The following MRPL12 variants were observed in gnomAD, a reference collection of about 807,000 sequenced individuals.
The protein encoded by MRPL12 is mitochondrial ribosomal protein L12.
Under a neutral mutation model 21.1 loss-of-function variants are expected in MRPL12, and 13 were observed. The observed-to-expected ratio is 0.62, with a 90% CI of 0.40 to 0.98. The LOEUF is 0.98. Among genes scored for constraint, MRPL12 ranks in the 50% least tolerant of loss-of-function variants. The pLI is 0.00. For synonymous variants in MRPL12, 126 were observed against 115.3 expected (o/e 1.09, Z -0.60); for missense variants, 251 against 268.6 (o/e 0.93, Z 0.46).
At chr17:81,704,039 T>C (rs1320800050) in intron 1 of MRPL12, among the ~76,000 whole-genome samples, 3 of 152,178 alleles carry the variant, frequency 2.0e-5, no homozygotes, top group Non-Finnish European at 4.4e-5. Flanking sequence ...GAATTTAAAG[T>C]AACTTGCAAA....
At chr17:81,706,076 C>T (rs1236165191) in intron 3 of MRPL12, among the ~76,000 whole-genome samples, 3 of 152,224 alleles carry the variant, frequency 2.0e-5, no homozygotes, top group African/African-American at 4.8e-5. Context: ...AGAAGCGCAG[C>T]GTGCCCGTCA....
rs2037280414 is a variant in MRPL12, at chr17:81,703,702, G to A, written c.74+127G>A. On this transcript the variant is annotated intron_variant, in intron 1 of 4. Transcript: ENST00000333676. ...CTGCAGCGGCCAGGCCGGGCTTGGG[G>A]GTCCCATCGGGGGCGCGGGGAGGAG... is the stretch of plus-strand genomic sequence containing the variant. The A allele has an allele frequency of 1.8e-5, 16 of 909,876 alleles. No individual in the cohort carries two copies. The South Asian group carries it at 4.5e-4, about 26-fold the overall frequency. The allele number at this position is 909,876 out of a possible 1,614,324, so 56.4% of individuals were successfully genotyped here. A position where few individuals can be genotyped will look rare whatever the true frequency, so the allele number is the denominator to read the frequency against.
chr17:81,703,409 C>A lies in MRPL12; in HGVS notation c.-93C>A. 9.2e-7 allele frequency: 1 copy of A among 1,088,962 alleles called. No homozygotes were observed. The highest frequency in any genetic ancestry group is 1.3e-6 in the Non-Finnish European group (1 of 794,904). 67.5% of individuals were successfully genotyped at this position (1,088,962 alleles called of 1,614,324 possible). On this transcript the variant is annotated 5_prime_UTR_variant, in exon 1 of 5. Coordinates refer to ENST00000333676, the MANE Select transcript of MRPL12 (RefSeq NM_002949.4). ...TGCCCGGCAGCCGTGGCGGCTAGAG[C>A]GTTCCTCCCCAGCTCGAATGCCCGG...
intron 2 of MRPL12, 49 bp downstream of exon 2, chr17:81,704,479 CCT>C: frequency 3.1e-6 from 5 of 1,591,018 alleles, no homozygotes; most frequent in Non-Finnish European, 4.3e-6. Context: ...TTTCAGGGCC[CCT>C]GTGTTTTGTT....
intron 3 of MRPL12, among the ~76,000 whole-genome samples, chr17:81,706,220 A>G (rs1270131837): frequency 1.3e-5 from 2 of 152,098 alleles, no homozygotes; most frequent in African/African-American, 4.8e-5. Flanking sequence ...TTTCTAAGCG[A>G]GAGGGGAGTA....
Position 81,706,948 on chromosome 17 carries a change from T to G in MRPL12, c.388T>G (p.Phe130Val), listed in dbSNP as rs1416206604. Residue 130 changes from phenylalanine to valine, a missense_variant, in exon 4 of 5, where the codon TTC (phenylalanine) becomes GTC (valine). Phe to Val is a conservative substitution (Grantham distance 50, BLOSUM62 -1). Coordinates refer to ENST00000333676, the MANE Select transcript of MRPL12 (RefSeq NM_002949.4). Reference sequence around the variant, plus strand: ...CCCCATAGCGAAAGAACGGACACATTTCACCGTCCGCCTGACCGAGGCGAA... The same window carrying G: ...CCCCATAGCGAAAGAACGGACACATGTCACCGTCCGCCTGACCGAGGCGAA... ...DIPIAKERTHFTVRLTEAKPV... is the reference protein window; with the variant it reads ...DIPIAKERTHVTVRLTEAKPV... 6.2e-7 allele frequency: 1 copy of G among 1,614,048 alleles called. No individual in the cohort carries two copies. Among genetic ancestry groups the G allele is most frequent in the African/African-American group, 1.3e-5 (1 of 75,038 alleles).
rs530585327 is a variant in MRPL12, at chr17:81,706,009, C to T, written c.346-897C>T. 7.2e-5 allele frequency among the ~76,000 whole-genome samples: 11 copies of T among 152,374 alleles called. No individual in the cohort carries two copies. In the South Asian group the frequency reaches 1.7e-3, roughly 23 times the overall value. ...GATGTTATTAATAGCCTTCCCAGGC[C>T]GTGGGGACACGCAGCCCCCTGCCCT... On this transcript the variant is annotated intron_variant, in intron 3 of 4. Coordinates refer to ENST00000333676, the MANE Select transcript of MRPL12 (RefSeq NM_002949.4).
chr17:81,703,533 G>A lies in MRPL12; in HGVS notation c.32G>A (p.Gly11Glu), dbSNP rs1239468867. 6.8e-7 allele frequency: 1 copy of A among 1,479,512 alleles called. No homozygotes were observed. Among genetic ancestry groups the A allele is most frequent in the Non-Finnish European group, 8.9e-7 (1 of 1,121,586 alleles). The allele number at this position is 1,479,512 out of a possible 1,614,324, so 91.6% of individuals were successfully genotyped here. A position where few individuals can be genotyped will look rare whatever the true frequency, so the allele number is the denominator to read the frequency against. The change falls in exon 1 of 5, where the codon GGG becomes GAG. Residue 11 changes from glycine to glutamate, a missense_variant. Transcript: ENST00000333676. ...CCGGCGGCCGCTCGCCCCCTGTGGG[G>A]GCCTTGCCTTGGGCTTCGGGCCGCT... MLPAAARPLWGPCLGLRAAAF... is the reference protein window; with the variant it reads MLPAAARPLWEPCLGLRAAAF...
Position 81,707,360 on chromosome 17 carries a change from C to A in MRPL12, c.*120C>A. On this transcript the variant is annotated 3_prime_UTR_variant, in exon 5 of 5. Transcript: ENST00000333676. ...CCAGTGGAGCCGTTTGGGAGAATTG[C>A]CTGCGCCACGCAGCGGGGCCGGACA... is the stretch of plus-strand genomic sequence containing the variant. 2 of 983,094 alleles carry A rather than the reference C, an allele frequency of 2.0e-6. No homozygotes were observed. Among genetic ancestry groups the A allele is most frequent in the Non-Finnish European group, 3.0e-6 (2 of 667,426 alleles). The allele number at this position is 983,094 out of a possible 1,614,324, so 60.9% of individuals were successfully genotyped here.
intron 2 of MRPL12, 27 bp downstream of exon 2, chr17:81,704,457 A>G (rs147848918): frequency 5.9e-5 from 95 of 1,601,890 alleles, no homozygotes; most frequent in Non-Finnish European, 7.6e-5. Flanking sequence ...GCACAGACCC[A>G]GGGGCTGGAA....
chr17:81,704,194 C>T (rs755011010), intron 1 of MRPL12, 50 bp from the exon 2 acceptor site: 4 of 1,550,286 alleles, frequency 2.6e-6, no homozygotes, highest in Non-Finnish European at 3.5e-6. Context: ...TTCTGCAGCC[C>T]CTTCCATTCC....
At chr17:81,705,008 G>A (rs1189297457) in intron 3 of MRPL12, among the ~76,000 whole-genome samples, 1 of 152,108 alleles carries the variant, frequency 6.6e-6, no homozygotes, top group Non-Finnish European at 1.5e-5. Flanking sequence ...GCCGAGACGG[G>A]TGGATCACTT....
chr17:81,704,368 C>T lies in MRPL12; in HGVS notation c.199C>T (p.Leu67=), dbSNP rs746219317. The change falls in exon 2 of 5, where the codon CTG becomes TTG. Residue 67 remains leucine, a synonymous_variant. Transcript: ENST00000333676. Reference sequence around the variant, plus strand: ...GGAGTACCCCCCCAAGATACAGCAGCTGGTCCAGGACATCGCCAGCCTCAC... The same window carrying T: ...GGAGTACCCCCCCAAGATACAGCAGTTGGTCCAGGACATCGCCAGCCTCAC... ...PKEYPPKIQQ[L]VQDIASLTLL... 11 of 1,613,708 alleles carry T rather than the reference C, an allele frequency of 6.8e-6. No homozygotes were observed. In the South Asian group the frequency reaches 1.2e-4, roughly 18 times the overall value.
Position 81,704,328 on chromosome 17 carries a change from G to C in MRPL12, c.159G>C (p.Leu53=), listed in dbSNP as rs1409249214. The C allele has an allele frequency of 1.2e-6, 2 of 1,613,482 alleles. No homozygotes were observed. Among genetic ancestry groups the C allele is most frequent in the Admixed American group, 1.7e-5 (1 of 59,962 alleles). Residue 53 remains leucine (L), a synonymous_variant, in exon 2 of 5, where the codon CTG becomes CTC. Coordinates refer to ENST00000333676, the MANE Select transcript of MRPL12 (RefSeq NM_002949.4). ...QRCEALAGAP[L]DNAPKEYPPK... ...GTGAGGCCCTCGCTGGTGCACCCCT[G>C]GATAACGCCCCCAAGGAGTACCCCC... is the stretch of plus-strand genomic sequence containing the variant.
At chr17:81,706,705 CAAAA>C (rs969582377) in intron 3 of MRPL12, among the ~76,000 whole-genome samples, 197 bp from the exon 4 acceptor site, 4 of 151,628 alleles carry the variant, frequency 2.6e-5, no homozygotes, top group African/African-American at 9.7e-5. Flanking sequence ...GACTCCGTCT[CAAAA>C]AAAAGAGAAA....
At chr17:81,704,017 A>G (rs1331568797) in intron 1 of MRPL12, among the ~76,000 whole-genome samples, 4 of 152,204 alleles carry the variant, frequency 2.6e-5, no homozygotes, top group South Asian at 2.1e-4. Flanking sequence ...TGGCTTTCTA[A>G]GGCTCTTTGA....
chr17:81,705,596 G>C (rs567870773), intron 3 of MRPL12, among the ~76,000 whole-genome samples: 1 of 152,180 alleles, frequency 6.6e-6, no homozygotes, highest in Non-Finnish European at 1.5e-5. Context: ...AAGGTCACCA[G>C]GCAAGAGGGT....
In MRPL12 at chr17:81,707,433, G is replaced by T; in HGVS notation, c.*193G>T. 1 of 593,616 alleles carries T rather than the reference G, an allele frequency of 1.7e-6. No individual in the cohort carries two copies. Among genetic ancestry groups the T allele is most frequent in the Non-Finnish European group, 2.9e-6 (1 of 345,460 alleles). 36.8% of individuals were successfully genotyped at this position (593,616 alleles called of 1,614,324 possible). A position where few individuals can be genotyped will look rare whatever the true frequency, so the allele number is the denominator to read the frequency against. On this transcript the variant is annotated 3_prime_UTR_variant, in exon 5 of 5. Transcript: ENST00000333676. ...GGGAGGGAGGGGCGGCTGCTGCCTG[G>T]TGACGGCACCCGGAGGCCCACCAGG... is the stretch of plus-strand genomic sequence containing the variant.
At chr17:81,704,949 AAG>A (rs1451587514) in intron 3 of MRPL12, among the ~76,000 whole-genome samples, 2 of 152,204 alleles carry the variant, frequency 1.3e-5, no homozygotes, top group Admixed American at 6.5e-5. Flanking sequence ...AGAGAGGAAA[AAG>A]AGGCTGGGCG....
Sources: gnomAD v4.1 joint callset for allele counts (sites outside exome capture counted in the v4.1 genomes callset) on GRCh38, gnomAD v4.1.1 for gene constraint, MANE v1.5 for transcripts, NCBI Gene and HGNC (gene_info 2026-07-23, HGNC 2026-07-21) for gene names.